The following CGNL1 variants were observed in gnomAD, a reference collection of about 807,000 sequenced individuals.
CGNL1 encodes cingulin-like protein 1.
A neutral mutation model predicts 141.2 loss-of-function variants in CGNL1; 132 were observed. The observed-to-expected ratio is 0.93, with a 90% CI of 0.81 to 1.08. The LOEUF is 1.08. Among genes scored for constraint, CGNL1 ranks in the 50% least tolerant of loss-of-function variants. CGNL1 has a pLI of 0.00. For synonymous variants in CGNL1, 690 were observed against 622.1 expected (o/e 1.11, Z -1.63); for missense variants, 1,870 against 1,588.6 (o/e 1.18, Z -3.01).
intron 8 of CGNL1, among the ~76,000 whole-genome samples, chr15:57,503,482 G>A (rs1158819181): frequency 6.6e-6 from 1 of 152,190 alleles, no homozygotes; most frequent in African/African-American, 2.4e-5. Flanking sequence ...CTGAAGCTCA[G>A]AGTGGACCAG....
intron 8 of CGNL1, among the ~76,000 whole-genome samples, chr15:57,504,110 A>C (rs2064066638): frequency 6.6e-6 from 1 of 152,154 alleles, no homozygotes; most frequent in Non-Finnish European, 1.5e-5. Context: ...CATTGATGAA[A>C]GCAGGGTGAT....
intron 18 of CGNL1, 77 bp from the exon 19 acceptor site, chr15:57,547,278 A>T: frequency 6.4e-7 from 1 of 1,556,390 alleles, no homozygotes; most frequent in Non-Finnish European, 8.7e-7. Context: ...CAGCAACCCA[A>T]AACCCTCCCT....
intron 8 of CGNL1, among the ~76,000 whole-genome samples, chr15:57,483,382 G>A (rs1157709025): frequency 6.6e-6 from 1 of 151,478 alleles, no homozygotes; most frequent in Non-Finnish European, 1.5e-5. Flanking sequence ...ATACAGAAAT[G>A]CAGTTGTATG....
intron 2 of CGNL1, 151 bp from the exon 3 acceptor site, chr15:57,440,226 C>G (rs1400716196): frequency 1.8e-5 from 11 of 614,788 alleles, no homozygotes; most frequent in African/African-American, 5.5e-5. Context: ...AAAATTGAGG[C>G]GAGGAGAAGT....
At chr15:57,378,363 G>GTTTTTTTTTTTTTTTTTTTT (rs71116514) in intron 1 of CGNL1, among the ~76,000 whole-genome samples, 3 of 33,938 alleles carry the variant, frequency 8.8e-5, no homozygotes, top group Admixed American at 3.3e-4. Flanking sequence ...CCCTCTATGT[G>GTTTTTTTTTTTTTTTTTTTT]TTTTTTTTTT....
chr15:57,384,870 A>T (rs1391125353), intron 1 of CGNL1, among the ~76,000 whole-genome samples: 1 of 152,226 alleles, frequency 6.6e-6, no homozygotes, highest in Non-Finnish European at 1.5e-5. Context: ...CCACAGTGAT[A>T]TCTAAACAGA....
intron 14 of CGNL1, among the ~76,000 whole-genome samples, chr15:57,542,840 T>C (rs2032638341): frequency 1.3e-5 from 2 of 152,216 alleles, no homozygotes; most frequent in Non-Finnish European, 2.9e-5. Flanking sequence ...GAGAACATCC[T>C]CAGTCCAGGC....
At chr15:57,505,158 T>A (rs2064084275) in intron 8 of CGNL1, among the ~76,000 whole-genome samples, 1 of 152,112 alleles carries the variant, frequency 6.6e-6, no homozygotes, top group African/African-American at 2.4e-5. Flanking sequence ...CTTCAAGGCC[T>A]CTGTATAGAA....
chr15:57,408,249 T>A (rs2062745377), intron 1 of CGNL1, among the ~76,000 whole-genome samples: 1 of 152,000 alleles, frequency 6.6e-6, no homozygotes, highest in South Asian at 2.1e-4. Context: ...TATGTTTATT[T>A]TGGTAAAGGG....
At chr15:57,383,629 T>TGAGATAA (rs2062451184) in intron 1 of CGNL1, among the ~76,000 whole-genome samples, 1 of 65,660 alleles carries the variant, frequency 1.5e-5, no homozygotes, top group African/African-American at 1.2e-4. Context: ...TTCTTTTCTT[T>TGAGATAA]TCTTTTTTTT....
chr15:57,492,497 T>G (rs1002975761), intron 8 of CGNL1, among the ~76,000 whole-genome samples: 2 of 152,088 alleles, frequency 1.3e-5, no homozygotes, highest in East Asian at 3.8e-4. Context: ...CAAAAGCACA[T>G]AGAGTAAAAT....
intron 1 of CGNL1, among the ~76,000 whole-genome samples, chr15:57,398,068 A>G (rs1366910657): frequency 6.6e-6 from 1 of 152,210 alleles, no homozygotes; most frequent in East Asian, 1.9e-4. Flanking sequence ...GGCGTGAGCC[A>G]CCATACCCAG....
At chr15:57,514,587 A>T (rs1353668087) in intron 8 of CGNL1, among the ~76,000 whole-genome samples, 2 of 152,056 alleles carry the variant, frequency 1.3e-5, no homozygotes, top group African/African-American at 4.8e-5. Context: ...CATCATTTGC[A>T]GCACAAAAGT....
chr15:57,476,301 A>G (rs2063657089), intron 8 of CGNL1, among the ~76,000 whole-genome samples: 1 of 152,196 alleles, frequency 6.6e-6, no homozygotes. Flanking sequence ...GTGGGCAAGG[A>G]CATTCTAGAC....
At chr15:57,381,134 G>A (rs2062419761) in intron 1 of CGNL1, among the ~76,000 whole-genome samples, 1 of 152,186 alleles carries the variant, frequency 6.6e-6, no homozygotes, top group Non-Finnish European at 1.5e-5. Context: ...TGCCTTTCAA[G>A]TGCCAGGTAG....
At chr15:57,544,667 TC>T in intron 16 of CGNL1, 70 bp downstream of exon 16, 11 of 1,529,700 alleles carry the variant, frequency 7.2e-6, no homozygotes, top group Non-Finnish European at 9.7e-6. Context: ...CAATGTGTTG[TC>T]ACATTTGGGA....
chr15:57,533,841 C>G (rs1417729963), intron 14 of CGNL1, among the ~76,000 whole-genome samples: 1 of 152,184 alleles, frequency 6.6e-6, no homozygotes, highest in Non-Finnish European at 1.5e-5. Flanking sequence ...AACTTGATGT[C>G]AGTTTAGGGG....
In CGNL1 at chr15:57,516,990, A is replaced by G. The variant is rs2030863863; in HGVS notation, c.2610+4A>G. On this transcript the variant is annotated splice_donor_region_variant and intron_variant, in intron 9 of 18. Transcript: ENST00000281282. Reference sequence around the variant, plus strand: ...GGAAACGCTGAAGAAGTACGAGGTGAGGCTCGCTGGGCCCAGGCCCAGCTT... The same window carrying G: ...GGAAACGCTGAAGAAGTACGAGGTGGGGCTCGCTGGGCCCAGGCCCAGCTT... The G allele has an allele frequency of 6.2e-7, 1 of 1,611,884 alleles. No individual in the cohort carries two copies. The highest frequency in any genetic ancestry group is 8.5e-7 in the Non-Finnish European group (1 of 1,179,204).
chr15:57,488,080 T>G (rs958865517), intron 8 of CGNL1, among the ~76,000 whole-genome samples: 3 of 152,230 alleles, frequency 2.0e-5, no homozygotes, highest in Non-Finnish European at 4.4e-5. Context: ...TCTGCCTTTT[T>G]TATGATAGCC....
Sources: allele counts gnomAD v4.1 joint callset (sites outside exome capture counted in the v4.1 genomes callset), GRCh38; gene constraint gnomAD v4.1.1; transcripts MANE v1.5; gene names NCBI Gene and HGNC (gene_info 2026-07-23, HGNC 2026-07-21).